Variants in SULF2 observed in about 807,000 individuals in gnomAD.
SULF2 encodes the protein extracellular sulfatase Sulf-2.
In SULF2, 52 loss-of-function variants were observed where a neutral mutation model predicts 107.7. That is an observed-to-expected ratio of 0.48 (90% CI 0.39 to 0.61). SULF2 has a LOEUF of 0.61. Ranked by LOEUF, SULF2 falls within the 20% of genes least tolerant of loss-of-function variation. The pLI is 0.00. For missense variants in SULF2, 993 were observed against 1,177.3 expected (o/e 0.84, Z 2.29); for synonymous variants, 460 against 464.3 (o/e 0.99, Z 0.12).
chr20:47,745,401 A>AGG (rs1568892332), intron 2 of SULF2, among the ~76,000 whole-genome samples: 11 of 38,780 alleles, frequency 2.8e-4, no homozygotes, highest in African/African-American at 1.1e-3. Context: ...AAAAAAAAAA[A>AGG]AAAAAAAAAA....
Position 47,661,754 on chromosome 20 carries a change from C to A in SULF2, c.2494+19G>T. On this transcript the variant is annotated intron_variant, in intron 18 of 20. Coordinates refer to ENST00000688720, the MANE Select transcript of SULF2 (RefSeq NM_001387048.1). ...GTTACCCTGCTGTCCAAGGGCCCCA[C>A]GTTGGGGTGCCTACTCACCCAGGTC... 2.0e-6 allele frequency: 3 copies of A among 1,518,458 alleles called. No homozygotes were observed. Among genetic ancestry groups the A allele is most frequent in the South Asian group, 1.3e-5 (1 of 79,506 alleles). The allele number at this position is 1,518,458 out of a possible 1,614,324, so 94.1% of individuals were successfully genotyped here.
intron 3 of SULF2, among the ~76,000 whole-genome samples, chr20:47,713,269 G>A (rs1002268081): frequency 3.9e-5 from 6 of 152,182 alleles, no homozygotes; most frequent in African/African-American, 1.4e-4. Context: ...GTGGGGGAAT[G>A]TGCTACAGGC....
At chr20:47,660,330 T>A (rs1196934407) in intron 18 of SULF2, among the ~76,000 whole-genome samples, 1 of 152,240 alleles carries the variant, frequency 6.6e-6, no homozygotes, top group Non-Finnish European at 1.5e-5. Context: ...AGGAAGCTAC[T>A]AGTGAAAATT....
intron 5 of SULF2, 51 bp downstream of exon 5, chr20:47,690,075 T>TCC: frequency 2.2e-6 from 3 of 1,347,484 alleles, no homozygotes; most frequent in Non-Finnish European, 2.9e-6. Context: ...AGCCTGACCC[T>TCC]CCCCCTTCAT....
At chr20:47,757,687 AC>A in intron 1 of SULF2, among the ~76,000 whole-genome samples, 1 of 152,120 alleles carries the variant, frequency 6.6e-6, no homozygotes, top group Middle Eastern at 3.4e-3. Context: ...TTCTGCAGAA[AC>A]AATTTCTTCC....
intron 17 of SULF2, among the ~76,000 whole-genome samples, chr20:47,662,198 A>G (rs1325812289): frequency 6.6e-6 from 1 of 152,238 alleles, no homozygotes; most frequent in African/African-American, 2.4e-5. Context: ...GCTTGGAAAG[A>G]AAGCCTTCCA....
At chr20:47,658,441 A>AT in intron 20 of SULF2, 49 bp from the exon 21 acceptor site, 1 of 1,590,038 alleles carries the variant, frequency 6.3e-7, no homozygotes, top group Non-Finnish European at 8.6e-7. Context: ...CATGGTCTTT[A>AT]TCATGACTTC....
intron 2 of SULF2, among the ~76,000 whole-genome samples, chr20:47,744,288 T>G (rs751403615): frequency 2.8e-4 from 43 of 152,196 alleles, no homozygotes; most frequent in South Asian, 2.1e-4. Context: ...GTTCAAGCGA[T>G]TCTCCTGCCT....
At chr20:47,784,616 T>C (rs1210773372) in intron 1 of SULF2, among the ~76,000 whole-genome samples, 3 of 152,180 alleles carry the variant, frequency 2.0e-5, no homozygotes, top group East Asian at 3.9e-4. Flanking sequence ...AGCCAGATCC[T>C]GTTCAGCCGC....
rs373009089 is a variant in SULF2, at chr20:47,678,827, G to C, written c.1065-23C>G. ...TTCCTGGGGGAGGCAGGAGATCGGG[G>C]ACTCAGTCACTCAGGTGGTGGTGCC... On this transcript the variant is annotated intron_variant, in intron 7 of 20. Transcript: ENST00000688720. This position sits in a 1 kb window ranked among gnomAD's most constrained non-coding sequence, Gnocchi z 4.5. 3 of 1,610,460 alleles carry C rather than the reference G, an allele frequency of 1.9e-6. No individual in the cohort carries two copies. The highest frequency in any genetic ancestry group is 2.5e-6 in the Non-Finnish European group (3 of 1,178,440).
rs528165432 is a variant in SULF2, at chr20:47,733,440, G to T, written c.415+3263C>A. On this transcript the variant is annotated intron_variant, in intron 3 of 20. Coordinates refer to ENST00000688720, the MANE Select transcript of SULF2 (RefSeq NM_001387048.1). ...TGCTTGAAGAATCAACTCATTAGTT[G>T]CAACTAGAGCCCAATATTTGTTAAA... 6.6e-5 allele frequency among the ~76,000 whole-genome samples: 10 copies of T among 152,290 alleles called. No individual in the cohort carries two copies. In the South Asian group the frequency reaches 2.1e-3, roughly 32 times the overall value.
chr20:47,697,478 G>C (rs968377998), intron 4 of SULF2, among the ~76,000 whole-genome samples: 1 of 152,320 alleles, frequency 6.6e-6, no homozygotes, highest in Non-Finnish European at 1.5e-5. Flanking sequence ...AGGGCCCAGG[G>C]CACAGGGCTC....
intron 1 of SULF2, among the ~76,000 whole-genome samples, chr20:47,759,666 T>C (rs2090374439): frequency 6.6e-6 from 1 of 152,222 alleles, no homozygotes; most frequent in Admixed American, 6.5e-5. Flanking sequence ...CACTCCAGCC[T>C]GGGTGACAGA....
Position 47,682,962 on chromosome 20 carries a change from C to T in SULF2, c.1064+32G>A, listed in dbSNP as rs1358594813. Reference sequence around the variant, plus strand: ...GAAGCCCTGAGCTGGGCCCAGGGGCCTCCCTGGGTCCCTGGGGGATGACAC... The same window carrying T: ...GAAGCCCTGAGCTGGGCCCAGGGGCTTCCCTGGGTCCCTGGGGGATGACAC... On this transcript the variant is annotated intron_variant, in intron 7 of 20. Coordinates refer to ENST00000688720, the MANE Select transcript of SULF2 (RefSeq NM_001387048.1). The T allele has an allele frequency of 2.6e-6, 4 of 1,552,518 alleles. No individual in the cohort carries two copies. In the African/African-American group the frequency reaches 4.1e-5, roughly 16 times the overall value.
chr20:47,677,615 T>C (rs2087693694), intron 8 of SULF2, among the ~76,000 whole-genome samples: 1 of 152,180 alleles, frequency 6.6e-6, no homozygotes, highest in Non-Finnish European at 1.5e-5. Context: ...GTTAATTGCA[T>C]TGGGTTTTGG....
chr20:47,694,396 A>T lies in SULF2; in HGVS notation c.568-4101T>A, dbSNP rs2088305442. On this transcript the variant is annotated intron_variant, in intron 4 of 20. Coordinates refer to ENST00000688720, the MANE Select transcript of SULF2 (RefSeq NM_001387048.1). The surrounding 1 kb of genome is among the most constrained non-coding windows in gnomAD (Gnocchi z 4.4). ...GCCGGGGGAAAGGCTGAGTTCAGAG[A>T]TGGGCAAACTGTGTTTGGGGTGCCC... 6.6e-6 allele frequency among the ~76,000 whole-genome samples: 1 copy of T among 152,202 alleles called. No homozygotes were observed. The highest frequency in any genetic ancestry group is 1.5e-5 in the Non-Finnish European group (1 of 68,020).
intron 3 of SULF2, among the ~76,000 whole-genome samples, chr20:47,732,735 G>C (rs189893572): frequency 6.6e-5 from 10 of 152,232 alleles, no homozygotes; most frequent in Admixed American, 3.3e-4. Flanking sequence ...CCTAGTTAGT[G>C]GGGAGGCTGA....
At chr20:47,715,317 G>A (rs2089080824) in intron 3 of SULF2, among the ~76,000 whole-genome samples, 1 of 151,858 alleles carries the variant, frequency 6.6e-6, no homozygotes. Flanking sequence ...CCTTTCCCCC[G>A]ACATTGCTTC....
chr20:47,689,888 T>A, intron 5 of SULF2: 1 of 297,878 alleles, frequency 3.4e-6, no homozygotes. Flanking sequence ...ACACACCTCT[T>A]GGTGGGAGGC....
Sources: allele counts gnomAD v4.1 joint callset (sites outside exome capture counted in the v4.1 genomes callset), GRCh38; gene constraint gnomAD v4.1.1; non-coding constraint Gnocchi (gnomAD v3.1); transcripts MANE v1.5; gene names NCBI Gene and HGNC (gene_info 2026-07-23, HGNC 2026-07-21).